Variants in HPS1 observed in about 807,000 individuals in gnomAD.
The protein encoded by HPS1 is HPS1 biogenesis of lysosomal organelles complex 3 subunit 1.
HPS1 carries 59 observed loss-of-function variants against 90.6 expected under a neutral mutation model. The observed-to-expected ratio is 0.65, with a 90% CI of 0.53 to 0.81. HPS1 has a LOEUF of 0.81. HPS1 is among the 30% of genes least tolerant of loss of function. The pLI is 0.00. For missense variants in HPS1, 849 were observed against 896.7 expected (o/e 0.95, Z 0.68); for synonymous variants, 388 against 384.4 (o/e 1.01, Z -0.11).
At chr10:98,444,395 C>T (rs1591169668) in intron 2 of HPS1, among the ~76,000 whole-genome samples, 1 of 152,262 alleles carries the variant, frequency 6.6e-6, no homozygotes, top group Admixed American at 6.5e-5. Context: ...GGCAAACCCT[C>T]GATCTTCTAA....
chr10:98,440,800 G>A (rs571163257), intron 3 of HPS1, among the ~76,000 whole-genome samples: 13 of 151,752 alleles, frequency 8.6e-5, no homozygotes, highest in South Asian at 4.2e-4. Context: ...TCAGGAGTTC[G>A]TTCCTTTGCC....
intron 8 of HPS1, 21 bp from the exon 9 acceptor site, chr10:98,429,910 G>T: frequency 5.0e-6 from 8 of 1,599,714 alleles, no homozygotes; most frequent in Non-Finnish European, 6.0e-6. Flanking sequence ...CAGGGGAGAG[G>T]CTGGTTAGCT....
At chr10:98,433,487 A>G (rs752693044) in intron 6 of HPS1, among the ~76,000 whole-genome samples, 2 of 152,186 alleles carry the variant, frequency 1.3e-5, no homozygotes, top group South Asian at 4.1e-4. Context: ...CTAGGGCTTT[A>G]TAAAAGGACC....
At chr10:98,443,333 A>G in intron 2 of HPS1, 93 bp from the exon 3 acceptor site, 1 of 902,954 alleles carries the variant, frequency 1.1e-6, no homozygotes, top group South Asian at 1.3e-5. Flanking sequence ...CTCAGCAAAC[A>G]TTCAGTGAGC....
rs35145578 is a variant in HPS1, at chr10:98,433,231, CAAAAAAAAAAAAA to C, written c.507+739_507+751del. Among the ~76,000 whole-genome samples, 23 of 85,394 alleles carry C rather than the reference CAAAAAAAAAAAAA, an allele frequency of 2.7e-4. No individual in the cohort carries two copies. In the East Asian group the frequency reaches 8.2e-3, roughly 30 times the overall value. The allele number at this position is 85,394 out of a possible 152,430, so 56.0% of individuals were successfully genotyped here. A position where few individuals can be genotyped will look rare whatever the true frequency, so the allele number is the denominator to read the frequency against. ...TGGGCAACAGAGCGAGACTCCATCT[CAAAAAAAAAAAAA>C]AAAAAGAAATGCAAGTTCTAGAGCC... is the stretch of plus-strand genomic sequence containing the variant. On this transcript the variant is annotated intron_variant, in intron 6 of 19. Coordinates refer to ENST00000361490, the MANE Select transcript of HPS1 (RefSeq NM_000195.5).
At chr10:98,420,631 G>A (rs182056267) in intron 17 of HPS1, among the ~76,000 whole-genome samples, 259 of 152,152 alleles carry the variant, frequency 1.7e-3, no homozygotes, top group African/African-American at 5.8e-3. Flanking sequence ...TGAGAGGATC[G>A]CTTGAGCCCA....
chr10:98,441,602 A>G (rs1461824187), intron 3 of HPS1, among the ~76,000 whole-genome samples: 2 of 152,242 alleles, frequency 1.3e-5, no homozygotes, highest in Non-Finnish European at 2.9e-5. Context: ...AAATATTTGT[A>G]AAACATGTAT....
At chr10:98,437,401 C>G (rs1053947305) in intron 3 of HPS1, among the ~76,000 whole-genome samples, 3 of 152,200 alleles carry the variant, frequency 2.0e-5, no homozygotes, top group Non-Finnish European at 4.4e-5. Context: ...GATAGAAACT[C>G]ATCGTAAAAG....
intron 11 of HPS1, 80 bp downstream of exon 11, chr10:98,427,135 G>A: frequency 8.1e-7 from 1 of 1,236,698 alleles, no homozygotes; most frequent in Non-Finnish European, 1.2e-6. Flanking sequence ...TCACCCTGGA[G>A]GCGAAACCCT....
rs116667598 is a variant in HPS1 at position 98,430,080 on chromosome 10, G to A, written c.769-191C>T. On this transcript the variant is annotated intron_variant, in intron 8 of 19. Transcript: ENST00000361490. The stretch of plus-strand genomic sequence containing the variant: ...TAGGCGGTCTGTTCTGTGGAAATTC[G>A]AGAAATTCCAACACAATGGTATCCA... Among the ~76,000 whole-genome samples the A allele has an allele frequency of 5.8e-3, 885 of 152,322 alleles. 11 individuals carry two copies. The highest frequency in any genetic ancestry group is 0.02 in the African/African-American group (847 of 41,582).
chr10:98,420,799 AC>A (rs1844747614), intron 17 of HPS1, among the ~76,000 whole-genome samples: 1 of 152,194 alleles, frequency 6.6e-6, no homozygotes. Flanking sequence ...ATTAATGAAC[AC>A]AGGAGAACAA....
intron 3 of HPS1, among the ~76,000 whole-genome samples, chr10:98,437,880 C>G (rs909407707): frequency 1.3e-5 from 2 of 152,164 alleles, no homozygotes; most frequent in African/African-American, 2.4e-5. Flanking sequence ...TCAAGGGAGA[C>G]CTGGTGGAGA....
chr10:98,435,837 C>A lies in HPS1; in HGVS notation c.118-65G>T. The A allele has an allele frequency of 6.2e-7, 1 of 1,602,572 alleles. No individual in the cohort carries two copies. The highest frequency in any genetic ancestry group is 8.5e-7 in the Non-Finnish European group (1 of 1,170,288). ...CAGACACCAAGAACTAAGGAAGGGACAAGATCAGGCCTTGATATCAAGGGT... is the reference window on the plus strand; with the variant it reads ...CAGACACCAAGAACTAAGGAAGGGAAAAGATCAGGCCTTGATATCAAGGGT... On this transcript the variant is annotated intron_variant, in intron 3 of 19. Transcript: ENST00000361490. This position sits in a 1 kb window ranked among gnomAD's most constrained non-coding sequence, Gnocchi z 4.3.
intron 17 of HPS1, 91 bp downstream of exon 17, chr10:98,422,278 C>G (rs1301715472): frequency 8.9e-6 from 13 of 1,457,434 alleles, no homozygotes; most frequent in Non-Finnish European, 4.8e-6. Context: ...CCAGCGCACT[C>G]TGCTAGCCCC....
chr10:98,427,079 C>A (rs1845702278), intron 11 of HPS1, 136 bp downstream of exon 11: 2 of 713,886 alleles, frequency 2.8e-6, no homozygotes, highest in Admixed American at 4.6e-5. Flanking sequence ...GGCACCTGCA[C>A]TGACCAGCCC....
chr10:98,443,312 A>G, intron 2 of HPS1, 72 bp from the exon 3 acceptor site: 1 of 1,112,348 alleles, frequency 9.0e-7, no homozygotes, highest in Non-Finnish European at 1.4e-6. Context: ...AGTAACGAAG[A>G]GGACCCCAAC....
intron 11 of HPS1, 154 bp downstream of exon 11, chr10:98,427,061 C>G: frequency 1.6e-6 from 1 of 618,200 alleles, no homozygotes; most frequent in Non-Finnish European, 2.8e-6. Flanking sequence ...AGCTCTGGCA[C>G]CAGGACAGGC....
In HPS1 at chr10:98,425,820, T is replaced by G; in HGVS notation, c.1153A>C (p.Arg385=). The change falls in exon 12 of 20, where the codon AGG becomes CGG. Residue 385 remains arginine, a splice_region_variant and synonymous_variant. Coordinates refer to ENST00000361490, the MANE Select transcript of HPS1 (RefSeq NM_000195.5). ...WQGINLVLLT[R]SPSAPLALVL... Reference sequence around the variant, plus strand: ...GGCAGGGTGAGGGGCTCTCCTACCCTGGTCAGGAGCACCAGGTTGATGCCC... The same window carrying G: ...GGCAGGGTGAGGGGCTCTCCTACCCGGGTCAGGAGCACCAGGTTGATGCCC... 2 of 1,613,604 alleles carry G rather than the reference T, an allele frequency of 1.2e-6. No individual in the cohort carries two copies. The highest frequency in any genetic ancestry group is 1.7e-6 in the Non-Finnish European group (2 of 1,179,762).
At chr10:98,422,039 AG>A (rs1048611484) in intron 17 of HPS1, among the ~76,000 whole-genome samples, 6 of 150,934 alleles carry the variant, frequency 4.0e-5, no homozygotes, top group Non-Finnish European at 4.4e-5. Flanking sequence ...GGAGAGTGGC[AG>A]GGGTCCTCCC....
Sources: allele counts gnomAD v4.1 joint callset (sites outside exome capture counted in the v4.1 genomes callset), GRCh38; gene constraint gnomAD v4.1.1; non-coding constraint Gnocchi (gnomAD v3.1); transcripts MANE v1.5; gene names NCBI Gene and HGNC (gene_info 2026-07-23, HGNC 2026-07-21).